FHIT: variants seen among roughly 807,000 people sequenced by gnomAD.
FHIT encodes the protein bis(5'-adenosyl)-triphosphatase.
A neutral mutation model predicts 17.9 loss-of-function variants in FHIT; 19 were observed. The observed-to-expected ratio is 1.06, with a 90% CI of 0.74 to 1.56. The LOEUF is 1.56. Among genes scored for constraint, FHIT ranks in the 40% most tolerant of loss-of-function variants. FHIT has a pLI of 0.00. For missense variants in FHIT, 248 were observed against 189.2 expected, an observed-to-expected ratio of 1.31 and a Z score of -1.82; for synonymous variants, 81 against 69.7, an observed-to-expected ratio of 1.16 and a Z score of -0.81.
chr3:60,341,154 T>TACA (rs1489766274), intron 5 of FHIT, among the ~76,000 whole-genome samples: 1 of 152,174 alleles, frequency 6.6e-6, no homozygotes, highest in African/African-American at 2.4e-5. Flanking sequence ...TATCCTTGAG[T>TACA]ACACAGAAGG....
chr3:60,486,860 CAGTTA>C (rs373569519), intron 5 of FHIT, among the ~76,000 whole-genome samples: 233 of 152,226 alleles, frequency 1.5e-3, no homozygotes, highest in African/African-American at 5.5e-3. Flanking sequence ...AAACGTGCTT[CAGTTA>C]AAACCACTGC....
At chr3:59,869,573 C>T (rs1213178326) in intron 8 of FHIT, among the ~76,000 whole-genome samples, 2 of 143,064 alleles carry the variant, frequency 1.4e-5, no homozygotes, top group African/African-American at 5.4e-5. Flanking sequence ...GCTCTGCCTC[C>T]CGGGTTCACG....
At chr3:61,249,024 C>CA (rs1291655543) in intron 1 of FHIT, among the ~76,000 whole-genome samples, 1 of 152,040 alleles carries the variant, frequency 6.6e-6, no homozygotes, top group Non-Finnish European at 1.5e-5. Flanking sequence ...TAAAGAAGCT[C>CA]AAAAAACATT....
chr3:61,223,871 A>ATATGATACAG (rs373342822), intron 1 of FHIT, among the ~76,000 whole-genome samples: 72 of 152,244 alleles, frequency 4.7e-4, no homozygotes, highest in South Asian at 1.5e-3. Context: ...AAGCCAACAG[A>ATATGATACAG]ATATGATACA....
intron 5 of FHIT, among the ~76,000 whole-genome samples, chr3:60,074,339 T>A (rs1702912476): frequency 6.6e-6 from 1 of 152,042 alleles, no homozygotes; most frequent in African/African-American, 2.4e-5. Context: ...TGGATGGAAA[T>A]TTTCTCTTGT....
At chr3:60,705,703 T>C (rs1028898697) in intron 4 of FHIT, among the ~76,000 whole-genome samples, 2 of 152,256 alleles carry the variant, frequency 1.3e-5, no homozygotes, top group East Asian at 1.9e-4. Flanking sequence ...TGTATACACA[T>C]ATACACAAAA....
intron 8 of FHIT, among the ~76,000 whole-genome samples, chr3:59,755,823 C>CAA (rs1262186175): frequency 2.0e-5 from 3 of 150,308 alleles, no homozygotes; most frequent in African/African-American, 7.5e-5. Flanking sequence ...CTTGGTTTCA[C>CAA]AAAGAAACGT....
chr3:60,735,085 C>G (rs2042108191), intron 4 of FHIT, among the ~76,000 whole-genome samples: 1 of 152,206 alleles, frequency 6.6e-6, no homozygotes, highest in African/African-American at 2.4e-5. Flanking sequence ...AACAAATGAT[C>G]TCTCAGTACT....
At chr3:60,382,275 C>A (rs1700831054) in intron 5 of FHIT, among the ~76,000 whole-genome samples, 1 of 152,188 alleles carries the variant, frequency 6.6e-6, no homozygotes, top group Non-Finnish European at 1.5e-5. Flanking sequence ...AAACATGGCT[C>A]ATAAGAACTT....
intron 5 of FHIT, among the ~76,000 whole-genome samples, chr3:60,251,723 G>C (rs760791983): frequency 6.6e-6 from 1 of 152,050 alleles, no homozygotes; most frequent in Non-Finnish European, 1.5e-5. Flanking sequence ...CAGCGTGTGG[G>C]CCACTGCTCA....
At position 59,763,143 on chromosome 3, in the gene FHIT, G is replaced by GGC. The variant is rs574690145; in HGVS notation, c.349-10824_349-10823dup. ...GTACTCAGAACAAGGAATGGGAAGAGGCATAGGGCCAATTTCTGCCTTTGT... is the reference window on the plus strand; with the variant it reads ...GTACTCAGAACAAGGAATGGGAAGAGGCGCATAGGGCCAATTTCTGCCTTTGT... On this transcript the variant is annotated intron_variant, in intron 8 of 9. Coordinates refer to ENST00000492590, the MANE Select transcript of FHIT (RefSeq NM_002012.4). 3.9e-5 allele frequency among the ~76,000 whole-genome samples: 6 copies of GGC among 152,300 alleles called. No homozygotes were observed. In the East Asian group the frequency reaches 1.2e-3, roughly 29 times the overall value.
chr3:60,681,658 A>T (rs782744621), intron 4 of FHIT, among the ~76,000 whole-genome samples: 1 of 152,212 alleles, frequency 6.6e-6, no homozygotes, highest in Non-Finnish European at 1.5e-5. Flanking sequence ...TAAGAAAGTG[A>T]AACAGGCTTG....
intron 5 of FHIT, among the ~76,000 whole-genome samples, chr3:60,137,975 C>T (rs999201891): frequency 6.6e-6 from 1 of 152,184 alleles, no homozygotes; most frequent in African/African-American, 2.4e-5. Context: ...ACTTGCACAG[C>T]ATTATGAATT....
intron 8 of FHIT, among the ~76,000 whole-genome samples, chr3:59,769,451 C>T (rs932619496): frequency 6.6e-6 from 1 of 152,194 alleles, no homozygotes; most frequent in Non-Finnish European, 1.5e-5. Context: ...AGTTCCTTCT[C>T]ATTGTGTGCA....
At chr3:60,476,213 T>A (rs2033336652) in intron 5 of FHIT, among the ~76,000 whole-genome samples, 1 of 152,048 alleles carries the variant, frequency 6.6e-6, no homozygotes, top group Non-Finnish European at 1.5e-5. Context: ...AAAATATAAA[T>A]AAAAATATTT....
Position 61,080,457 on chromosome 3 carries a change from G to A in FHIT, c.-163-38358C>T, listed in dbSNP as rs189934774. On this transcript the variant is annotated intron_variant, in intron 2 of 9. Coordinates refer to ENST00000492590, the MANE Select transcript of FHIT (RefSeq NM_002012.4). The stretch of plus-strand genomic sequence containing the variant: ...ATGAGCCAAAATGCAGAGATGAAAC[G>A]GAACTGAAAAAAAAAGTTTTTTAAA... Among the ~76,000 whole-genome samples, 236 of 151,804 alleles carry A rather than the reference G, an allele frequency of 1.6e-3. 2 individuals are homozygous for A. The highest frequency in any genetic ancestry group is 5.2e-3 in the African/African-American group (216 of 41,384).
At chr3:60,655,791 G>C (rs2682954) in intron 4 of FHIT, among the ~76,000 whole-genome samples, 147,500 of 152,296 alleles carry the variant, frequency 0.97, 71,480 homozygotes, top group East Asian at 1. Flanking sequence ...CTAGCCATTT[G>C]ATGTTAATAT....
intron 5 of FHIT, among the ~76,000 whole-genome samples, chr3:60,271,859 A>G (rs213341): frequency 0.86 from 130,864 of 152,222 alleles, 56,412 homozygotes; most frequent in East Asian, 1. Context: ...GGCTCCATGC[A>G]CTTCTGAATT....
intron 5 of FHIT, among the ~76,000 whole-genome samples, chr3:60,407,619 A>G (rs535688725): frequency 1.3e-5 from 2 of 152,248 alleles, no homozygotes; most frequent in South Asian, 4.1e-4. Context: ...AGTTCAAGCG[A>G]TCCTCCTATC....
Sources: gnomAD v4.1 joint callset for allele counts (sites outside exome capture counted in the v4.1 genomes callset) on GRCh38, gnomAD v4.1.1 for gene constraint, MANE v1.5 for transcripts, NCBI Gene and HGNC (gene_info 2026-07-23, HGNC 2026-07-21) for gene names.